Variants in XKR4 observed in about 807,000 individuals in gnomAD.
XKR4 encodes XK-related protein 4.
XKR4 carries 12 observed loss-of-function variants against 53.9 expected under a neutral mutation model. That is an observed-to-expected ratio of 0.22 (90% CI 0.14 to 0.36). XKR4 has a LOEUF of 0.36. Ranked by LOEUF, XKR4 falls within the 10% of genes least tolerant of loss-of-function variation. The pLI is 1.00. For synonymous variants in XKR4, 354 were observed against 362.4 expected (o/e 0.98, Z 0.26); for missense variants, 799 against 859.5 (o/e 0.93, Z 0.88).
chr8:55,315,959 T>C (rs1162678009), intron 1 of XKR4, among the ~76,000 whole-genome samples: 1 of 152,198 alleles, frequency 6.6e-6, no homozygotes. Flanking sequence ...GACTCACTAA[T>C]GAATCTCACA....
intron 1 of XKR4, among the ~76,000 whole-genome samples, chr8:55,220,887 C>A (rs1817871948): frequency 6.6e-6 from 1 of 152,206 alleles, no homozygotes. Context: ...AGGATTAAAT[C>A]TAAAGTACTT....
intron 2 of XKR4, among the ~76,000 whole-genome samples, chr8:55,474,469 A>C (rs1805944766): frequency 6.6e-6 from 1 of 152,162 alleles, no homozygotes; most frequent in African/African-American, 2.4e-5. Context: ...CCATCTTAAA[A>C]GAAAAAAGTA....
rs1010031927 is a variant in XKR4 at position 55,536,957 on chromosome 8, A to G, written c.*12730A>G. 5 of 152,236 alleles carry G rather than the reference A, an allele frequency of 3.3e-5. No individual in the cohort carries two copies. Among genetic ancestry groups the G allele is most frequent in the African/African-American group, 1.2e-4 (5 of 41,464 alleles). 9.4% of individuals were successfully genotyped at this position (152,236 alleles called of 1,614,324 possible). A position where few individuals can be genotyped will look rare whatever the true frequency, so the allele number is the denominator to read the frequency against. Reference sequence around the variant, plus strand: ...GCTCAAGGGAAATACAAGTTTCTTAAGTTTTTATTCTTCAAATAGAAGTTT... The same window carrying G: ...GCTCAAGGGAAATACAAGTTTCTTAGGTTTTTATTCTTCAAATAGAAGTTT... On this transcript the variant is annotated 3_prime_UTR_variant, in exon 3 of 3. Coordinates refer to ENST00000327381, the MANE Select transcript of XKR4 (RefSeq NM_052898.2).
intron 1 of XKR4, among the ~76,000 whole-genome samples, chr8:55,242,047 A>G (rs1347951380): frequency 6.6e-6 from 1 of 152,192 alleles, no homozygotes; most frequent in Non-Finnish European, 1.5e-5. Flanking sequence ...AAACCCTTTT[A>G]TTCTGAATGG....
intron 1 of XKR4, among the ~76,000 whole-genome samples, chr8:55,143,233 T>C (rs1816729403): frequency 6.6e-6 from 1 of 152,250 alleles, no homozygotes; most frequent in African/African-American, 2.4e-5. Context: ...TTTGAATGCA[T>C]TTCTTTGTTG....
intron 1 of XKR4, among the ~76,000 whole-genome samples, chr8:55,117,867 A>G (rs958849103): frequency 7.9e-5 from 12 of 152,208 alleles, no homozygotes; most frequent in African/African-American, 2.9e-4. Context: ...AAGACCAATT[A>G]TGGGATTTTC....
At chr8:55,449,973 C>T in intron 2 of XKR4, 1 of 831,704 alleles carries the variant, frequency 1.2e-6, no homozygotes, top group East Asian at 2.5e-5. Context: ...CCACGGGTTC[C>T]TCCTGCAGGT....
chr8:55,497,986 C>T (rs1264598636), intron 2 of XKR4, among the ~76,000 whole-genome samples: 1 of 152,210 alleles, frequency 6.6e-6, no homozygotes, highest in Non-Finnish European at 1.5e-5. Context: ...CTGGTCACAC[C>T]CACTCCAGGC....
intron 2 of XKR4, among the ~76,000 whole-genome samples, chr8:55,461,288 C>T (rs919977922): frequency 1.6e-4 from 25 of 152,336 alleles, no homozygotes; most frequent in African/African-American, 4.8e-4. Flanking sequence ...TCCAGAGGAA[C>T]GATCAGGCAG....
intron 1 of XKR4, among the ~76,000 whole-genome samples, chr8:55,283,951 G>A (rs750179895): frequency 1.6e-4 from 24 of 152,170 alleles, no homozygotes; most frequent in African/African-American, 2.4e-4. Flanking sequence ...ATTCTGTGAC[G>A]TGATCCCTCC....
intron 2 of XKR4, chr8:55,451,050 G>T: frequency 1.9e-6 from 1 of 538,864 alleles, no homozygotes. Context: ...TACCTTAATG[G>T]GCACCAGCTC....
At chr8:55,130,458 A>G (rs1296886164) in intron 1 of XKR4, among the ~76,000 whole-genome samples, 2 of 152,218 alleles carry the variant, frequency 1.3e-5, no homozygotes, top group African/African-American at 4.8e-5. Flanking sequence ...AGCAAGTGGC[A>G]TCAGAGGAGG....
chr8:55,337,376 C>T (rs1349763025), intron 1 of XKR4, among the ~76,000 whole-genome samples: 1 of 152,128 alleles, frequency 6.6e-6, no homozygotes, highest in Non-Finnish European at 1.5e-5. Context: ...CTCCTTTCCA[C>T]CTTAAGAGGG....
intron 2 of XKR4, among the ~76,000 whole-genome samples, chr8:55,362,352 G>A (rs1803919252): frequency 1.3e-5 from 2 of 152,168 alleles, no homozygotes; most frequent in Admixed American, 1.3e-4. Context: ...AAGAAACATC[G>A]TGAAGAGAGA....
At chr8:55,407,182 G>A (rs1193506022) in intron 2 of XKR4, among the ~76,000 whole-genome samples, 1 of 152,184 alleles carries the variant, frequency 6.6e-6, no homozygotes, top group Admixed American at 6.5e-5. Context: ...GGGTGTCAGG[G>A]AGGCAGCCTC....
chr8:55,292,298 G>A (rs543315956), intron 1 of XKR4, among the ~76,000 whole-genome samples: 67 of 152,120 alleles, frequency 4.4e-4, no homozygotes, highest in African/African-American at 1.5e-3. Context: ...AGATTTTTGC[G>A]GGGAGAGTCT....
intron 1 of XKR4, among the ~76,000 whole-genome samples, chr8:55,268,085 G>A (rs1342090754): frequency 6.6e-6 from 1 of 152,084 alleles, no homozygotes; most frequent in African/African-American, 2.4e-5. Flanking sequence ...TGTTCATTAC[G>A]CCAACTAATG....
chr8:55,401,165 A>G (rs1244627853), intron 2 of XKR4, among the ~76,000 whole-genome samples: 1 of 152,150 alleles, frequency 6.6e-6, no homozygotes, highest in Non-Finnish European at 1.5e-5. Flanking sequence ...AACTGCAGAC[A>G]TTGGTCTGAT....
At chr8:55,232,768 T>G (rs1818061745) in intron 1 of XKR4, among the ~76,000 whole-genome samples, 1 of 152,184 alleles carries the variant, frequency 6.6e-6, no homozygotes, top group Non-Finnish European at 1.5e-5. Flanking sequence ...CCTCCAAGTC[T>G]TAGGTATTCC....
Sources: gnomAD v4.1 joint callset for allele counts (sites outside exome capture counted in the v4.1 genomes callset) on GRCh38, gnomAD v4.1.1 for gene constraint, MANE v1.5 for transcripts, NCBI Gene and HGNC (gene_info 2026-07-23, HGNC 2026-07-21) for gene names.